The following PDGFD variants were observed in gnomAD, a reference collection of about 807,000 sequenced individuals.
The protein encoded by PDGFD is platelet derived growth factor D.
In PDGFD, 30 loss-of-function variants were observed where a neutral mutation model predicts 44.7. The observed-to-expected ratio is 0.67, with a 90% CI of 0.50 to 0.91. The LOEUF is 0.91. PDGFD is among the 40% of genes least tolerant of loss of function. PDGFD has a pLI of 0.00. For missense variants in PDGFD, 445 were observed against 457.8 expected (o/e 0.97, Z 0.25); for synonymous variants, 173 against 168.4 (o/e 1.03, Z -0.21).
At chr11:104,095,834 C>G (rs1229833683) in intron 1 of PDGFD, among the ~76,000 whole-genome samples, 4 of 152,260 alleles carry the variant, frequency 2.6e-5, no homozygotes, top group Admixed American at 2.6e-4. Flanking sequence ...ACTCTAATAT[C>G]CTATTTATCT....
chr11:104,117,054 C>T (rs1861652636), intron 1 of PDGFD, among the ~76,000 whole-genome samples: 1 of 151,816 alleles, frequency 6.6e-6, no homozygotes, highest in Non-Finnish European at 1.5e-5. Context: ...GGTTTCATAC[C>T]AGGGATGCAG....
At position 103,909,031 on chromosome 11, in the gene PDGFD, A is replaced by G. The variant is rs1011833311; in HGVS notation, c.*663T>C. The G allele has an allele frequency of 2.0e-5, 3 of 152,238 alleles. No individual in the cohort carries two copies. Among genetic ancestry groups the G allele is most frequent in the African/African-American group, 4.8e-5 (2 of 41,470 alleles). The allele number at this position is 152,238 out of a possible 1,614,324, so 9.4% of individuals were successfully genotyped here. Reference sequence around the variant, plus strand: ...ATGATTTAATTTCTAAAGCACTTATATTATTATGGCATGGTTTTGGAGACA... The same window carrying G: ...ATGATTTAATTTCTAAAGCACTTATGTTATTATGGCATGGTTTTGGAGACA... On this transcript the variant is annotated 3_prime_UTR_variant, in exon 7 of 7. Transcript: ENST00000393158.
intron 1 of PDGFD, among the ~76,000 whole-genome samples, chr11:104,131,827 A>AAAAG (rs397745026): frequency 9.1e-6 from 1 of 109,692 alleles, no homozygotes; most frequent in African/African-American, 3.7e-5. Flanking sequence ...AAAAAAAAAA[A>AAAAG]GGGGATGCTT....
chr11:103,953,900 C>T (rs568825576), intron 3 of PDGFD, among the ~76,000 whole-genome samples: 34 of 152,312 alleles, frequency 2.2e-4, no homozygotes, highest in African/African-American at 7.9e-4. Flanking sequence ...TAACACAACA[C>T]AAACTTTTAA....
At chr11:103,944,755 T>C (rs1436202189) in intron 4 of PDGFD, among the ~76,000 whole-genome samples, 2 of 152,088 alleles carry the variant, frequency 1.3e-5, no homozygotes, top group Non-Finnish European at 2.9e-5. Context: ...GGTCCAAAGG[T>C]TGCTAAGTGA....
chr11:103,918,213 T>C (rs1025942624), intron 6 of PDGFD, among the ~76,000 whole-genome samples: 1 of 152,190 alleles, frequency 6.6e-6, no homozygotes, highest in African/African-American at 2.4e-5. Flanking sequence ...GTTTTGATAG[T>C]TGATTCTATT....
chr11:103,993,221 T>C (rs1859486158), intron 3 of PDGFD, among the ~76,000 whole-genome samples: 1 of 151,954 alleles, frequency 6.6e-6, no homozygotes, highest in Non-Finnish European at 1.5e-5. Context: ...GCATGTGCCA[T>C]CATGCCTGTT....
intron 1 of PDGFD, among the ~76,000 whole-genome samples, chr11:104,087,724 T>C (rs897280721): frequency 6.6e-6 from 1 of 152,190 alleles, no homozygotes; most frequent in Non-Finnish European, 1.5e-5. Flanking sequence ...CTGCAATATT[T>C]TCCCTCAAAC....
intron 1 of PDGFD, among the ~76,000 whole-genome samples, chr11:104,093,756 C>T (rs770403074): frequency 1.6e-4 from 25 of 151,592 alleles, no homozygotes; most frequent in Non-Finnish European, 3.5e-4. Context: ...ATGGGCTCCA[C>T]CCACCTTCTC....
chr11:104,035,462 G>A (rs1860211464), intron 1 of PDGFD, among the ~76,000 whole-genome samples: 4 of 151,052 alleles, frequency 2.6e-5, no homozygotes, highest in Non-Finnish European at 4.4e-5. Context: ...TGTCCTCCAT[G>A]TGTTGCAAGA....
chr11:103,985,198 T>TTTATTTAATATATAATATATAC (rs1859344816), intron 3 of PDGFD, among the ~76,000 whole-genome samples: 3 of 91,082 alleles, frequency 3.3e-5, no homozygotes, highest in East Asian at 6.8e-4. Flanking sequence ...ATAATATATA[T>TTTATTTAATATATAATATATAC]TAATACACAC....
At chr11:103,945,332 A>T (rs1305058325) in intron 4 of PDGFD, among the ~76,000 whole-genome samples, 1 of 152,044 alleles carries the variant, frequency 6.6e-6, no homozygotes, top group Non-Finnish European at 1.5e-5. Flanking sequence ...CTGAACCCTG[A>T]CTGACACACA....
At chr11:104,010,689 T>A (rs1280916306) in intron 1 of PDGFD, among the ~76,000 whole-genome samples, 2 of 152,122 alleles carry the variant, frequency 1.3e-5, no homozygotes, top group African/African-American at 2.4e-5. Flanking sequence ...TTTATCACAT[T>A]CATATTAATT....
chr11:104,161,221 C>A lies in PDGFD; in HGVS notation c.124+2583G>T, dbSNP rs1046038670. Among the ~76,000 whole-genome samples the A allele has an allele frequency of 2.0e-5, 3 of 152,188 alleles. No homozygotes were observed. In the East Asian group the frequency reaches 5.8e-4, roughly 29 times the overall value. The stretch of plus-strand genomic sequence containing the variant: ...TCTGAGAGCCAGGTCTTCTAAAGAC[C>A]CTAAATTAATGTTTAGAAACTTTCA... On this transcript the variant is annotated intron_variant, in intron 1 of 6. Coordinates refer to ENST00000393158, the MANE Select transcript of PDGFD (RefSeq NM_025208.5).
At chr11:104,084,791 A>AAAATATATATTTTATAAGTATTATT (rs1861101461) in intron 1 of PDGFD, among the ~76,000 whole-genome samples, 2 of 146,452 alleles carry the variant, frequency 1.4e-5, no homozygotes, top group African/African-American at 4.9e-5. Context: ...AAAATAATAT[A>AAAATATATATTTTATAAGTATTATT]AAATATATAT....
chr11:104,054,973 C>A (rs1473123038), intron 1 of PDGFD, among the ~76,000 whole-genome samples: 1 of 152,170 alleles, frequency 6.6e-6, no homozygotes, highest in Non-Finnish European at 1.5e-5. Flanking sequence ...CAATACTGAT[C>A]ACTTAGAACA....
intron 1 of PDGFD, among the ~76,000 whole-genome samples, chr11:104,150,730 G>A (rs922375354): frequency 6.6e-6 from 1 of 152,026 alleles, no homozygotes; most frequent in African/African-American, 2.4e-5. Flanking sequence ...CTGCCTCTGT[G>A]GTCACATAGC....
chr11:103,996,270 C>A (rs773549416), intron 2 of PDGFD, 25 bp from the exon 3 acceptor site: 2 of 1,573,500 alleles, frequency 1.3e-6, no homozygotes, highest in Non-Finnish European at 1.7e-6. Flanking sequence ...ACATAATGAA[C>A]AAGTTTTGAT....
intron 1 of PDGFD, among the ~76,000 whole-genome samples, chr11:104,000,766 T>G (rs569280412): frequency 6.6e-6 from 1 of 152,264 alleles, no homozygotes; most frequent in South Asian, 2.1e-4. Context: ...AGCAAATAAT[T>G]TCATCCATCC....
Sources: gnomAD v4.1 joint callset for allele counts (sites outside exome capture counted in the v4.1 genomes callset) on GRCh38, gnomAD v4.1.1 for gene constraint, MANE v1.5 for transcripts, NCBI Gene and HGNC (gene_info 2026-07-23, HGNC 2026-07-21) for gene names.